Variants in MYO3B observed in about 807,000 individuals in gnomAD.
MYO3B encodes myosin-IIIb.
MYO3B carries 156 observed loss-of-function variants against 174.6 expected under a neutral mutation model. The ratio of observed to expected loss-of-function variants is 0.89; its 90% confidence interval spans 0.78 to 1.02. MYO3B has a LOEUF of 1.02. Ranked by LOEUF, MYO3B falls within the 50% of genes least tolerant of loss-of-function variation. The pLI, the probability that MYO3B is intolerant of heterozygous loss-of-function variation, is 0.00. For synonymous variants in MYO3B, 563 were observed against 569.1 expected (o/e 0.99, Z 0.15); for missense variants, 1,632 against 1,639.4 (o/e 1.00, Z 0.08).
At position 170,466,688 on chromosome 2, in the gene MYO3B, C is replaced by T. The variant is rs1559029795; in HGVS notation, c.2991C>T (p.Ile997=). 6.2e-7 allele frequency: 1 copy of T among 1,614,172 alleles called. No homozygotes were observed. Residue 997 remains isoleucine, a synonymous_variant, in exon 25 of 35, where the codon ATC becomes ATT. Transcript: ENST00000408978. ...SIRRQGYSHR[I]LFEEFVKRYY... is the part of the protein sequence containing the mutation. ...GCCGCCAGGGCTATTCCCACCGCAT[C>T]CTTTTTGAAGAATTTGTGAAAAGGT...
At chr2:170,409,449 C>T (rs538990010) in intron 22 of MYO3B, among the ~76,000 whole-genome samples, 2 of 152,320 alleles carry the variant, frequency 1.3e-5, no homozygotes, top group African/African-American at 4.8e-5. Context: ...TAGACACAAA[C>T]GTGATGTACC....
chr2:170,477,255 C>T (rs939750609), intron 25 of MYO3B, among the ~76,000 whole-genome samples: 3 of 152,166 alleles, frequency 2.0e-5, no homozygotes, highest in Non-Finnish European at 2.9e-5. Context: ...GTTTTCTCTT[C>T]ATCTTTCAAT....
At chr2:170,458,436 CT>C (rs1684038446) in intron 23 of MYO3B, among the ~76,000 whole-genome samples, 3 of 152,200 alleles carry the variant, frequency 2.0e-5, no homozygotes, top group Admixed American at 2.0e-4. Flanking sequence ...CTTTTCTGGT[CT>C]CTTTTTTTAT....
At chr2:170,210,107 A>G (rs2092755052) in intron 3 of MYO3B, among the ~76,000 whole-genome samples, 1 of 152,234 alleles carries the variant, frequency 6.6e-6, no homozygotes, top group Non-Finnish European at 1.5e-5. Flanking sequence ...AATTTAAAAA[A>G]GCAAAAACCT....
intron 32 of MYO3B, among the ~76,000 whole-genome samples, chr2:170,597,568 C>T (rs1694236271): frequency 6.6e-6 from 1 of 151,976 alleles, no homozygotes; most frequent in African/African-American, 2.4e-5. Flanking sequence ...TTCTATGATT[C>T]CCTGACTTCC....
At chr2:170,603,453 C>T (rs1054517381) in intron 32 of MYO3B, among the ~76,000 whole-genome samples, 2 of 152,126 alleles carry the variant, frequency 1.3e-5, no homozygotes, top group African/African-American at 2.4e-5. Context: ...TTTTTCTAAA[C>T]GTCTTAAAAC....
intron 32 of MYO3B, among the ~76,000 whole-genome samples, chr2:170,651,034 C>G (rs1027670026): frequency 1.3e-5 from 2 of 152,144 alleles, no homozygotes; most frequent in African/African-American, 4.8e-5. Flanking sequence ...TCAGGACAAA[C>G]AGGGAGAGAC....
Position 170,466,487 on chromosome 2 carries a change from G to A in MYO3B, c.2809-19G>A. 1 of 1,612,284 alleles carries A rather than the reference G, an allele frequency of 6.2e-7. No homozygotes were observed. Among genetic ancestry groups the A allele is most frequent in the Non-Finnish European group, 8.5e-7 (1 of 1,178,792 alleles). On this transcript the variant is annotated intron_variant, in intron 24 of 34. Coordinates refer to ENST00000408978, the MANE Select transcript of MYO3B (RefSeq NM_138995.5). ...TGTTGGTGGTAACCTTGTTCCTTGTGCATTTTTCTCCCTGGTAGTATTCTC... is the reference window on the plus strand; with the variant it reads ...TGTTGGTGGTAACCTTGTTCCTTGTACATTTTTCTCCCTGGTAGTATTCTC...
At chr2:170,569,327 A>G (rs1219319001) in intron 32 of MYO3B, among the ~76,000 whole-genome samples, 1 of 152,104 alleles carries the variant, frequency 6.6e-6, no homozygotes, top group Non-Finnish European at 1.5e-5. Context: ...CAATACTCAA[A>G]TATATGTTCT....
intron 32 of MYO3B, among the ~76,000 whole-genome samples, chr2:170,639,268 G>A (rs529152708): frequency 1.3e-5 from 2 of 152,300 alleles, no homozygotes; most frequent in Middle Eastern, 6.8e-3. Flanking sequence ...CCAGACTGCT[G>A]CCTGGCATTG....
chr2:170,642,155 T>G (rs1456950662), intron 32 of MYO3B, among the ~76,000 whole-genome samples: 2 of 151,994 alleles, frequency 1.3e-5, no homozygotes, highest in Non-Finnish European at 2.9e-5. Context: ...ATGGAAGAGA[T>G]CTTAATAAGA....
At chr2:170,230,402 C>G (rs1384785088) in intron 6 of MYO3B, among the ~76,000 whole-genome samples, 1 of 119,702 alleles carries the variant, frequency 8.4e-6, no homozygotes, top group Non-Finnish European at 1.6e-5. Flanking sequence ...AGGCTGGTCT[C>G]TAACTCCTGA....
At chr2:170,365,939 G>C (rs572577376) in intron 8 of MYO3B, among the ~76,000 whole-genome samples, 3 of 152,202 alleles carry the variant, frequency 2.0e-5, no homozygotes, top group African/African-American at 7.2e-5. Flanking sequence ...CTGAGCTCTG[G>C]GCCCTTCCTG....
chr2:170,504,324 G>T (rs1442268154), intron 28 of MYO3B, among the ~76,000 whole-genome samples: 1 of 152,182 alleles, frequency 6.6e-6, no homozygotes, highest in African/African-American at 2.4e-5. Flanking sequence ...AAGTGGTGTT[G>T]CTAAGATATG....
chr2:170,339,284 T>A (rs1357457590), intron 8 of MYO3B, among the ~76,000 whole-genome samples: 2 of 152,226 alleles, frequency 1.3e-5, no homozygotes, highest in Non-Finnish European at 1.5e-5. Context: ...ATAGTAAATC[T>A]AACTGTTTCT....
chr2:170,203,700 C>T (rs908344665), intron 3 of MYO3B, among the ~76,000 whole-genome samples: 1 of 152,132 alleles, frequency 6.6e-6, no homozygotes, highest in African/African-American at 2.4e-5. Context: ...AAATCAGGGT[C>T]TTAGTCATAC....
intron 1 of MYO3B, among the ~76,000 whole-genome samples, chr2:170,178,516 C>A (rs918908): frequency 0.33 from 50,221 of 150,800 alleles, 9,144 homozygotes; most frequent in East Asian, 0.56. Flanking sequence ...GATAAACACC[C>A]TCTTGAGTAT....
chr2:170,340,937 C>T (rs2093973253), intron 8 of MYO3B, among the ~76,000 whole-genome samples: 1 of 152,202 alleles, frequency 6.6e-6, no homozygotes, highest in South Asian at 2.1e-4. Context: ...GTCTATTTCT[C>T]ATTTCTCGGA....
chr2:170,277,213 G>A (rs2093469845), intron 7 of MYO3B, among the ~76,000 whole-genome samples: 1 of 152,168 alleles, frequency 6.6e-6, no homozygotes, highest in African/African-American at 2.4e-5. Flanking sequence ...TTAGCAGTAG[G>A]TTTGGGGGCT....
Sources: allele counts gnomAD v4.1 joint callset (sites outside exome capture counted in the v4.1 genomes callset), GRCh38; gene constraint gnomAD v4.1.1; transcripts MANE v1.5; gene names NCBI Gene and HGNC (gene_info 2026-07-23, HGNC 2026-07-21).